PBX1: variants seen among roughly 807,000 people sequenced by gnomAD.
The protein encoded by PBX1 is pre-B-cell leukemia transcription factor 1.
Under a neutral mutation model 53.4 loss-of-function variants are expected in PBX1, and 6 were observed. The ratio of observed to expected loss-of-function variants is 0.11; its 90% CI spans 0.06 to 0.22. The LOEUF (loss-of-function observed/expected upper bound fraction) is 0.22. Among genes scored for constraint, PBX1 ranks in the 10% least tolerant of loss-of-function variants. The probability of loss-of-function intolerance (pLI) is 1.00; values close to 1 mark genes in which losing one functional copy is unlikely to be tolerated. For missense variants in PBX1, 251 were observed against 551.4 expected (o/e 0.46, Z 5.46); for synonymous variants, 204 against 212.3 (o/e 0.96, Z 0.34).
At chr1:164,710,999 T>C (rs919985251) in intron 2 of PBX1, among the ~76,000 whole-genome samples, 1 of 152,186 alleles carries the variant, frequency 6.6e-6, no homozygotes, top group Non-Finnish European at 1.5e-5. Context: ...ACAGAGTGCA[T>C]CTGCTGCTCA....
chr1:164,689,836 C>T (rs534152624), intron 2 of PBX1, among the ~76,000 whole-genome samples: 1 of 152,154 alleles, frequency 6.6e-6, no homozygotes, highest in African/African-American at 2.4e-5. Flanking sequence ...CCGTGCCCTG[C>T]TCCCTACACC....
chr1:164,593,210 G>A (rs1001261863), intron 2 of PBX1, among the ~76,000 whole-genome samples: 13 of 152,030 alleles, frequency 8.6e-5, no homozygotes, highest in African/African-American at 3.1e-4. Context: ...TGCCTGCCTC[G>A]GCCTTGCAAA....
At chr1:164,634,648 G>A (rs1283385088) in intron 2 of PBX1, among the ~76,000 whole-genome samples, 1 of 152,104 alleles carries the variant, frequency 6.6e-6, no homozygotes, top group Non-Finnish European at 1.5e-5. Flanking sequence ...GGAAGTGTTG[G>A]CTCCCCATTA....
At chr1:164,828,046 T>C (rs1670555253) in intron 8 of PBX1, among the ~76,000 whole-genome samples, 1 of 152,108 alleles carries the variant, frequency 6.6e-6, no homozygotes, top group Middle Eastern at 3.2e-3. Context: ...GAAATTAAAT[T>C]ATATGACAGA....
intron 6 of PBX1, chr1:164,814,312 A>G (rs1237627622): frequency 6.6e-6 from 1 of 152,248 alleles, no homozygotes; most frequent in Non-Finnish European, 1.5e-5. Flanking sequence ...TAAGAGGTTA[A>G]TATGTGAAAA....
chr1:164,811,753 G>A (rs1669624257), intron 5 of PBX1, among the ~76,000 whole-genome samples: 1 of 152,192 alleles, frequency 6.6e-6, no homozygotes, highest in Admixed American at 6.5e-5. Context: ...TTTATAGGAA[G>A]ATTTTTGTCA....
At chr1:164,607,776 G>C (rs1428419522) in intron 2 of PBX1, among the ~76,000 whole-genome samples, 1 of 152,172 alleles carries the variant, frequency 6.6e-6, no homozygotes, top group Non-Finnish European at 1.5e-5. Context: ...TTAAGAACAG[G>C]ATTATCAGAG....
intron 2 of PBX1, among the ~76,000 whole-genome samples, chr1:164,675,549 G>A (rs1271737284): frequency 9.2e-5 from 14 of 152,138 alleles, no homozygotes; most frequent in South Asian, 2.1e-4. Context: ...GGCTGTGTGG[G>A]TGGGAACTTT....
At chr1:164,857,457 T>G (rs891308102) in intron 2 of PBX1, among the ~76,000 whole-genome samples, 2 of 152,194 alleles carry the variant, frequency 1.3e-5, no homozygotes, top group African/African-American at 4.8e-5. Context: ...AGGGATCTCA[T>G]GTAGATTTCA....
chr1:164,694,555 C>T (rs139955706), intron 2 of PBX1, among the ~76,000 whole-genome samples: 7 of 152,290 alleles, frequency 4.6e-5, no homozygotes, highest in East Asian at 3.9e-4. Flanking sequence ...TATAACTGCC[C>T]GGCAAGCATC....
intron 2 of PBX1, among the ~76,000 whole-genome samples, chr1:164,779,012 G>A (rs955874899): frequency 4.6e-5 from 7 of 150,736 alleles, no homozygotes; most frequent in Non-Finnish European, 7.4e-5. Flanking sequence ...ACCCCATAAC[G>A]TTCATGTGAG....
chr1:164,840,295 A>G (rs1360706679), intron 8 of PBX1, among the ~76,000 whole-genome samples: 1 of 152,196 alleles, frequency 6.6e-6, no homozygotes, highest in Non-Finnish European at 1.5e-5. Flanking sequence ...TGTTATTCCC[A>G]TATAGGGTTG....
intron 2 of PBX1, among the ~76,000 whole-genome samples, chr1:164,863,409 AG>A (rs1284716948): frequency 6.6e-6 from 1 of 152,248 alleles, no homozygotes; most frequent in African/African-American, 2.4e-5. Context: ...ACTGTGAACC[AG>A]GCATTGTTCT....
In PBX1 at chr1:164,870,345, CTTTCTTT is replaced by C. The variant is rs1558053869; in HGVS notation, n.258-28842_258-28836del. ...TCTTTCTTTCTTTCTTTCTTTCTTT[CTTTCTTT>C]CTTTCTTTCGAGATGAAGTCTTGCT... is the stretch of plus-strand genomic sequence containing the variant. On this transcript the variant is annotated intron_variant and non_coding_transcript_variant, in intron 2 of 2. Coordinates refer to the PBX1 transcript ENST00000558796. Among the ~76,000 whole-genome samples the C allele has an allele frequency of 5.0e-4, 50 of 99,894 alleles. 1 individual carries two copies. Among genetic ancestry groups the C allele is most frequent in the African/African-American group, 1.9e-3 (46 of 23,908 alleles). The allele number at this position is 99,894 out of a possible 152,430, so 65.5% of individuals were successfully genotyped here. A position where few individuals can be genotyped will look rare whatever the true frequency, so the allele number is the denominator to read the frequency against.
intron 2 of PBX1, among the ~76,000 whole-genome samples, chr1:164,651,438 G>A (rs1470560766): frequency 2.6e-5 from 4 of 151,962 alleles, no homozygotes; most frequent in Non-Finnish European, 4.4e-5. Context: ...CCTACCCTCC[G>A]ATGTCATTAA....
intron 3 of PBX1, among the ~76,000 whole-genome samples, chr1:164,794,152 G>A (rs1668671022): frequency 6.6e-6 from 1 of 152,032 alleles, no homozygotes; most frequent in South Asian, 2.1e-4. Flanking sequence ...TGGGATTATA[G>A]GCGTGAGCCA....
chr1:164,804,576 C>T (rs1200382242), intron 4 of PBX1, among the ~76,000 whole-genome samples: 3 of 152,188 alleles, frequency 2.0e-5, no homozygotes, highest in Non-Finnish European at 4.4e-5. Context: ...TTTCACTCAT[C>T]GTAGAAAGTA....
rs59042806 is a variant in PBX1 at position 164,724,670 on chromosome 1, ATTTTTTTTT to A, written c.266-67793_266-67785del. Reference sequence around the variant, plus strand: ...CAGATGCCCATTGCAATAGCTGCAGATTTTTTTTTTTTTTTTTTTTTTTTTTTTTTTTTT... The same window carrying A: ...CAGATGCCCATTGCAATAGCTGCAGATTTTTTTTTTTTTTTTTTTTTTTTT... On this transcript the variant is annotated intron_variant, in intron 2 of 8. Transcript: ENST00000420696. Among the ~76,000 whole-genome samples the A allele has an allele frequency of 8.0e-3, 387 of 48,154 alleles. 9 individuals are homozygous for A. The highest frequency in any genetic ancestry group is 0.023 in the African/African-American group (353 of 15,118). The allele number at this position is 48,154 out of a possible 152,430, so 31.6% of individuals were successfully genotyped here.
At chr1:164,787,978 G>A (rs897304650) in intron 2 of PBX1, among the ~76,000 whole-genome samples, 1 of 152,148 alleles carries the variant, frequency 6.6e-6, no homozygotes, top group East Asian at 1.9e-4. Context: ...GACGCGTCCG[G>A]GCCTGCCTGG....
Sources: gnomAD v4.1 joint callset for allele counts (sites outside exome capture counted in the v4.1 genomes callset) on GRCh38, gnomAD v4.1.1 for gene constraint, MANE v1.5 for transcripts, NCBI Gene and HGNC (gene_info 2026-07-23, HGNC 2026-07-21) for gene names.